HMCN1: variants seen among roughly 807,000 people sequenced by gnomAD.
HMCN1 encodes the protein hemicentin 1, also known as hemicentin-1.
HMCN1 carries 321 observed loss-of-function variants against 625.9 expected under a neutral mutation model. That is an observed-to-expected ratio of 0.51 (90% confidence interval 0.47 to 0.56). The LOEUF (loss-of-function observed/expected upper bound fraction) is 0.56. Among genes scored for constraint, HMCN1 ranks in the 20% least tolerant of loss-of-function variants. The pLI is 0.00. For synonymous variants in HMCN1, 2,425 were observed against 2,417.6 expected, an observed-to-expected ratio of 1.00 and a Z score of -0.09; for missense variants, 6,588 against 6,887.3, an observed-to-expected ratio of 0.96 and a Z score of 1.54.
chr1:185,956,161 T>C (rs1281509380), intron 11 of HMCN1, among the ~76,000 whole-genome samples: 1 of 152,162 alleles, frequency 6.6e-6, no homozygotes, highest in African/African-American at 2.4e-5. Flanking sequence ...TCCCATTCCA[T>C]ATACCGAACT....
intron 27 of HMCN1, 37 bp downstream of exon 27, chr1:186,001,465 C>T (rs761565934): frequency 8.1e-6 from 13 of 1,608,782 alleles, no homozygotes; most frequent in Non-Finnish European, 1.1e-5. Context: ...AATTCCTTGC[C>T]TCTGCATCTG....
rs1657254174 is a variant in HMCN1, at chr1:186,055,512, A to C, written c.6982A>C (p.Lys2328Gln). The C allele has an allele frequency of 6.2e-7, 1 of 1,612,974 alleles. No individual in the cohort carries two copies. The change falls in exon 45 of 107, where the codon AAA becomes CAA. Residue 2328 changes from lysine (K) to glutamine (Q), a missense_variant. Lys to Gln is a moderately conservative substitution (Grantham distance 53). This residue lies in a region of HMCN1 where 4,628 missense variants were observed against 4,853.1 expected (regional missense o/e 0.95). Transcript: ENST00000271588. The stretch of plus-strand genomic sequence containing the variant: ...TCCACCACCAACAGTGACCTGGATG[A>C]AAGATGGCCACCCCTTGATCAAGGC... ...GIPPPTVTWM[K>Q]DGHPLIKAKG... is the part of the protein sequence containing the mutation.
chr1:185,861,592 G>C (rs1287666459), intron 2 of HMCN1, among the ~76,000 whole-genome samples: 1 of 152,148 alleles, frequency 6.6e-6, no homozygotes, highest in East Asian at 1.9e-4. Flanking sequence ...TGCAAGTAAA[G>C]ATTATTTCTA....
rs1465503755 is a variant in HMCN1 at position 185,865,857 on chromosome 1, T to G, written c.615T>G (p.Val205=). 6.2e-7 allele frequency: 1 copy of G among 1,613,520 alleles called. No homozygotes were observed. Among genetic ancestry groups the G allele is most frequent in the Non-Finnish European group, 8.5e-7 (1 of 1,179,816 alleles). ...GQVFHLDKKQ[V]NEVLKWVEEA... is the part of the protein sequence containing the mutation. ...TGTTCCATCTGGACAAAAAACAAGT[T>G]AATGAGGTCAGTTTAATAAAGGGAG... Residue 205 remains valine, a synonymous_variant, in exon 4 of 107, where the codon GTT becomes GTG. Coordinates refer to ENST00000271588, the MANE Select transcript of HMCN1 (RefSeq NM_031935.3).
At chr1:185,885,106 C>T (rs1328630890) in intron 4 of HMCN1, among the ~76,000 whole-genome samples, 2 of 150,948 alleles carry the variant, frequency 1.3e-5, no homozygotes, top group African/African-American at 4.9e-5. Flanking sequence ...GGTAGTGGTC[C>T]TTGTTTGTCA....
intron 14 of HMCN1, 134 bp from the exon 15 acceptor site, chr1:185,970,201 C>T: frequency 3.7e-6 from 3 of 807,690 alleles, no homozygotes; most frequent in Admixed American, 3.4e-5. Flanking sequence ...TAGAAAGTGT[C>T]TATGTTGTGC....
chr1:186,115,013 G>A, intron 74 of HMCN1, 67 bp downstream of exon 74: 1 of 1,603,768 alleles, frequency 6.2e-7, no homozygotes, highest in Non-Finnish European at 8.5e-7. Context: ...CTAAACTAGT[G>A]AGGTCATAAA....
chr1:186,057,242 A>C lies in HMCN1; in HGVS notation c.7153A>C (p.Ser2385Arg). 1 of 1,611,104 alleles carries C rather than the reference A, an allele frequency of 6.2e-7. No individual in the cohort carries two copies. The highest frequency in any genetic ancestry group is 8.5e-7 in the Non-Finnish European group (1 of 1,177,840). ...TTTATTTTGTCTTACAGCTCCTCCA[A>C]GCATCATAGGAAACCACAGGTCACC... The part of the protein sequence containing the change: ...KYDLSVHAPP[S>R]IIGNHRSPEN... Residue 2385 changes from serine to arginine, a missense_variant, in exon 46 of 107, where the codon AGC becomes CGC. Physicochemically the swap from Ser to Arg is moderately radical, Grantham distance 110 (BLOSUM62 -1). This residue lies in a region of HMCN1 where 4,628 missense variants were observed against 4,853.1 expected (regional missense o/e 0.95). Coordinates refer to ENST00000271588, the MANE Select transcript of HMCN1 (RefSeq NM_031935.3).
chr1:185,815,021 G>A (rs1659759669), intron 1 of HMCN1, among the ~76,000 whole-genome samples: 1 of 150,212 alleles, frequency 6.7e-6, no homozygotes, highest in Admixed American at 6.6e-5. Context: ...AGGGGTTATA[G>A]AGGGTAAGAA....
intron 1 of HMCN1, among the ~76,000 whole-genome samples, chr1:185,800,333 C>T (rs1658710629): frequency 6.6e-6 from 1 of 152,090 alleles, no homozygotes; most frequent in South Asian, 2.1e-4. Context: ...GTGTGAATAT[C>T]TACTTACATT....
chr1:185,951,565 C>A (rs1454659834), intron 11 of HMCN1, among the ~76,000 whole-genome samples: 1 of 151,144 alleles, frequency 6.6e-6, no homozygotes, highest in Non-Finnish European at 1.5e-5. Context: ...CAGTCTTCAG[C>A]CGCTAAGCCG....
In HMCN1 at chr1:185,934,816, A is replaced by T. The variant is rs966649539; in HGVS notation, c.1828+992A>T. Among the ~76,000 whole-genome samples, 3 of 152,308 alleles carry T rather than the reference A, an allele frequency of 2.0e-5. No individual in the cohort carries two copies. In the South Asian group the frequency reaches 6.2e-4, roughly 32 times the overall value. ...AGCAAGGTTACCTAAGAAAATGACC[A>T]TTCAGTTTCAAGGCTAAATCTTAGA... On this transcript the variant is annotated intron_variant, in intron 11 of 106. Coordinates refer to ENST00000271588, the MANE Select transcript of HMCN1 (RefSeq NM_031935.3).
rs1447089470 is a variant in HMCN1, at chr1:186,065,442, T to A, written c.7705+13T>A. 2 of 1,562,008 alleles carry A rather than the reference T, an allele frequency of 1.3e-6. No homozygotes were observed. The highest frequency in any genetic ancestry group is 8.6e-7 in the Non-Finnish European group (1 of 1,161,292). Reference sequence around the variant, plus strand: ...CTTAATGTATTTGGTAGGTGTGGGCTTTTCTTCATATCTTAAAGAATCTGA... The same window carrying A: ...CTTAATGTATTTGGTAGGTGTGGGCATTTCTTCATATCTTAAAGAATCTGA... On this transcript the variant is annotated intron_variant, in intron 49 of 106. Coordinates refer to ENST00000271588, the MANE Select transcript of HMCN1 (RefSeq NM_031935.3).
intron 4 of HMCN1, among the ~76,000 whole-genome samples, chr1:185,876,380 G>C (rs1229942203): frequency 6.6e-6 from 1 of 151,974 alleles, no homozygotes; most frequent in Non-Finnish European, 1.5e-5. Context: ...TAGGATTGCA[G>C]GTGTCTTTTT....
intron 1 of HMCN1, among the ~76,000 whole-genome samples, chr1:185,807,352 C>A (rs1659233003): frequency 6.6e-6 from 1 of 152,162 alleles, no homozygotes; most frequent in African/African-American, 2.4e-5. Context: ...TGTTATACAG[C>A]CTACATAGTT....
intron 68 of HMCN1, among the ~76,000 whole-genome samples, chr1:186,099,019 G>T (rs866585158): frequency 1.3e-5 from 2 of 152,066 alleles, no homozygotes; most frequent in African/African-American, 4.8e-5. Flanking sequence ...AAAGACAAGG[G>T]AGACAGGGGG....
chr1:186,016,657 G>C (rs1006046365), intron 32 of HMCN1, among the ~76,000 whole-genome samples: 1 of 151,762 alleles, frequency 6.6e-6, no homozygotes, highest in Non-Finnish European at 1.5e-5. Context: ...CAATTTTGGG[G>C]GTTTCTTTCT....
At chr1:185,926,043 T>G (rs1348429689) in intron 9 of HMCN1, among the ~76,000 whole-genome samples, 1 of 152,192 alleles carries the variant, frequency 6.6e-6, no homozygotes, top group Admixed American at 6.6e-5. Context: ...GTTGGGTAAC[T>G]TTTTTAGACA....
intron 36 of HMCN1, among the ~76,000 whole-genome samples, chr1:186,036,794 G>A (rs896376359): frequency 6.6e-6 from 1 of 151,826 alleles, no homozygotes; most frequent in African/African-American, 2.4e-5. Context: ...ATTTCACCAT[G>A]TTGGCCAGGC....
Sources: allele counts gnomAD v4.1 joint callset (sites outside exome capture counted in the v4.1 genomes callset), GRCh38; gene constraint gnomAD v4.1.1; regional missense constraint gnomAD v4.1.1; transcripts MANE v1.5; gene names NCBI Gene and HGNC (gene_info 2026-07-23, HGNC 2026-07-21).